SCRN2: variants seen among roughly 807,000 people sequenced by gnomAD.
SCRN2 encodes the protein secernin-2.
SCRN2 carries 30 observed loss-of-function variants against 40.1 expected under a neutral mutation model. That is an observed-to-expected ratio of 0.75 (90% CI 0.56 to 1.01). The LOEUF (loss-of-function observed/expected upper bound fraction) is 1.01, where lower values mean the gene tolerates loss of function less well. SCRN2 is among the 50% of genes least tolerant of loss of function. SCRN2 has a pLI of 0.00. For synonymous variants in SCRN2, 240 were observed against 233.5 expected (o/e 1.03, Z -0.25); for missense variants, 526 against 564.9 (o/e 0.93, Z 0.70).
rs772353616 is a variant in SCRN2, at chr17:47,838,260, T to TG, written c.1119+9dup. 1.3e-6 allele frequency: 2 copies of TG among 1,584,102 alleles called. No homozygotes were observed. The highest frequency in any genetic ancestry group is 3.9e-5 in the Admixed American group (2 of 50,948). On this transcript the variant is annotated intron_variant, in intron 7 of 7. Coordinates refer to ENST00000290216, the MANE Select transcript of SCRN2 (RefSeq NM_138355.4). ...TCCCCTCAAGGTAGCCCCTACTCCC[T>TG]GGGGGATACCTGATCTCTCTCCATC...
chr17:47,840,076 A>C (rs887193966), intron 3 of SCRN2, 115 bp downstream of exon 3: 2 of 1,075,602 alleles, frequency 1.9e-6, no homozygotes, highest in Non-Finnish European at 2.6e-6. Context: ...CAAAGTCTGC[A>C]GAGAGGAGGA....
chr17:47,838,854 C>G lies in SCRN2; in HGVS notation c.709G>C (p.Val237Leu). ...CGGGCCTTGGCAGCCTCCATGCGCA[C>G]AGGCTGCTGGGTCAGGGAGAAGATC... ...AQIFSLTQQP[V>L]RMEAAKARFQ... is the part of the protein sequence containing the mutation. Residue 237 changes from valine to leucine, a missense_variant, in exon 5 of 8, where the codon GTG (valine) becomes CTG (leucine). Val to Leu is a conservative substitution (Grantham distance 32). Coordinates refer to ENST00000290216, the MANE Select transcript of SCRN2 (RefSeq NM_138355.4). The G allele has an allele frequency of 2.5e-6, 4 of 1,613,674 alleles. No individual in the cohort carries two copies. The highest frequency in any genetic ancestry group is 3.4e-6 in the Non-Finnish European group (4 of 1,180,030).
At chr17:47,840,424 T>C (rs1418225444) in intron 2 of SCRN2, 52 bp from the exon 3 acceptor site, 8 of 1,587,062 alleles carry the variant, frequency 5.0e-6, no homozygotes, top group Non-Finnish European at 6.9e-6. Flanking sequence ...GGGCGGCCCC[T>C]CGAGTGTGGC....
chr17:47,838,646 C>G lies in SCRN2; in HGVS notation c.823G>C (p.Gly275Arg), dbSNP rs201186794. 5.6e-6 allele frequency: 9 copies of G among 1,614,100 alleles called. No individual in the cohort carries two copies. The Admixed American group carries it at 1.3e-4, about 24-fold the overall frequency. The change falls in exon 6 of 8, where the codon GGT (glycine) becomes CGT (arginine). Residue 275 changes from glycine to arginine, a missense_variant. Coordinates refer to ENST00000290216, the MANE Select transcript of SCRN2 (RefSeq NM_138355.4). ...AAGCCTCCCGAGTCCATACAGATACCACTCTCCTTGTCTCTGAGGATGCCC... is the reference window on the plus strand; with the variant it reads ...AAGCCTCCCGAGTCCATACAGATACGACTCTCCTTGTCTCTGAGGATGCCC... ...MMGILRDKES[G>R]ICMDSGGFRT...
chr17:47,839,118 A>C (rs1335106520), intron 4 of SCRN2, 112 bp from the exon 5 acceptor site: 4 of 1,165,000 alleles, frequency 3.4e-6, no homozygotes, highest in Admixed American at 2.5e-5. Context: ...ACCCTCATGG[A>C]GCCTACGTTT....
chr17:47,839,411 C>A, intron 4 of SCRN2, 33 bp downstream of exon 4: 1 of 1,605,338 alleles, frequency 6.2e-7, no homozygotes, highest in Non-Finnish European at 8.5e-7. Flanking sequence ...ATCTCTCCCA[C>A]TTCCCAAAGC....
chr17:47,839,555 G>A lies in SCRN2; in HGVS notation c.445C>T (p.Leu149=). 2 of 1,614,030 alleles carry A rather than the reference G, an allele frequency of 1.2e-6. No individual in the cohort carries two copies. Among genetic ancestry groups the A allele is most frequent in the Non-Finnish European group, 1.7e-6 (2 of 1,180,030 alleles). The part of the protein sequence containing the change: ...LEHYGQGGNC[L]EDAAPFSYHS... ...TAGGAGAATGGCGCAGCATCCTCCA[G>A]GCAGTTGCCCCCCTGCCCATAGTGC... Residue 149 remains leucine, a synonymous_variant, in exon 4 of 8, where the codon CTG becomes TTG. Coordinates refer to ENST00000290216, the MANE Select transcript of SCRN2 (RefSeq NM_138355.4).
At position 47,840,858 on chromosome 17, in the gene SCRN2, G is replaced by T; in HGVS notation, c.1-15C>A. The T allele has an allele frequency of 6.6e-7, 1 of 1,510,870 alleles. No homozygotes were observed. Among genetic ancestry groups the T allele is most frequent in the Non-Finnish European group, 8.9e-7 (1 of 1,127,676 alleles). 93.6% of individuals were successfully genotyped at this position (1,510,870 alleles called of 1,614,324 possible). ...GACGACGCCATCTGGGGAGAGGCGG[G>T]CCTCTCCATAACCCTGGCCACGGCT... On this transcript the variant is annotated splice_polypyrimidine_tract_variant and intron_variant, in intron 1 of 7. Transcript: ENST00000290216.
intron 1 of SCRN2, 78 bp from the exon 2 acceptor site, chr17:47,840,921 GAC>G: frequency 1.5e-6 from 2 of 1,315,950 alleles, no homozygotes; most frequent in South Asian, 3.8e-5. Context: ...ACGTGTAAAA[GAC>G]GCGCAAGGAA....
intron 3 of SCRN2, chr17:47,839,857 G>A (rs1305832683): frequency 3.1e-5 from 19 of 610,462 alleles, no homozygotes; most frequent in Non-Finnish European, 5.2e-5. Flanking sequence ...CCATGAAAAG[G>A]CCTGAAACAC....
At chr17:47,840,170 G>A (rs2033790730) in intron 3 of SCRN2, 21 bp downstream of exon 3, 4 of 1,599,544 alleles carry the variant, frequency 2.5e-6, no homozygotes, top group African/African-American at 1.3e-5. Context: ...TCAGGCAGAT[G>A]AGGAAGGGCA....
At chr17:47,839,180 TG>T (rs1567956557) in intron 4 of SCRN2, among the ~76,000 whole-genome samples, 174 bp from the exon 5 acceptor site, 1 of 152,162 alleles carries the variant, frequency 6.6e-6, no homozygotes, top group Non-Finnish European at 1.5e-5. Context: ...AGCATGCAAC[TG>T]TGTTGAATGC....
intron 2 of SCRN2, 73 bp from the exon 3 acceptor site, chr17:47,840,445 T>C: frequency 1.3e-6 from 2 of 1,517,808 alleles, no homozygotes; most frequent in Non-Finnish European, 1.8e-6. Flanking sequence ...ACTCTGCCAA[T>C]TACCTTATAG....
intron 7 of SCRN2, 59 bp from the exon 8 acceptor site, chr17:47,838,061 G>C (rs375106471): frequency 6.3e-7 from 1 of 1,580,684 alleles, no homozygotes; most frequent in Middle Eastern, 1.7e-4. Flanking sequence ...CCAGGTGAAG[G>C]GGGGACTGTG....
In SCRN2 at chr17:47,838,309, A is replaced by C. The variant is rs1388125120; in HGVS notation, c.1080T>G (p.Arg360=). The C allele has an allele frequency of 2.5e-6, 4 of 1,608,082 alleles. No individual in the cohort carries two copies. In the Admixed American group the frequency reaches 5.1e-5, roughly 21 times the overall value. The change falls in exon 7 of 8, where the codon CGT becomes CGG. Residue 360 remains arginine, a synonymous_variant. Transcript: ENST00000290216. Reference sequence around the variant, plus strand: ...TCAGCCCCAGGGCTGCCTGGTGTCCACGGTAGAGGGTATGCCGACGATCTA... The same window carrying C: ...TCAGCCCCAGGGCTGCCTGGTGTCCCCGGTAGAGGGTATGCCGACGATCTA... The part of the protein sequence containing the change: ...TQVDRRHTLY[R]GHQAALGLME...
In SCRN2 at chr17:47,840,593, T is replaced by C. The variant is rs545092811; in HGVS notation, c.174+77A>G. On this transcript the variant is annotated intron_variant, in intron 2 of 7. Coordinates refer to ENST00000290216, the MANE Select transcript of SCRN2 (RefSeq NM_138355.4). ...ACTACTTCTGGCAGCCTCCCAGGTG[T>C]GGGGAGCAGGGAAGAAGGTCTTAAA... 9.7e-6 allele frequency: 14 copies of C among 1,449,474 alleles called. No individual in the cohort carries two copies. The African/African-American group carries it at 1.7e-4, about 18-fold the overall frequency. The allele number at this position is 1,449,474 out of a possible 1,614,324, so 89.8% of individuals were successfully genotyped here. A position where few individuals can be genotyped will look rare whatever the true frequency, so the allele number is the denominator to read the frequency against.
intron 4 of SCRN2, 150 bp from the exon 5 acceptor site, chr17:47,839,156 C>G (rs1244872138): frequency 2.4e-6 from 2 of 818,042 alleles, no homozygotes; most frequent in Admixed American, 2.8e-5. Context: ...AAAATAATCA[C>G]AGAGATAAAT....
At chr17:47,838,729 G>C in intron 5 of SCRN2, 33 bp from the exon 6 acceptor site, 1 of 1,611,376 alleles carries the variant, frequency 6.2e-7, no homozygotes, top group Non-Finnish European at 8.5e-7. Context: ...GCTGTGGGAG[G>C]GGAGAGTGGC....
chr17:47,839,181 G>A (rs1437058659), intron 4 of SCRN2, among the ~76,000 whole-genome samples, 175 bp from the exon 5 acceptor site: 1 of 152,252 alleles, frequency 6.6e-6, no homozygotes, highest in African/African-American at 2.4e-5. Flanking sequence ...GCATGCAACT[G>A]TGTTGAATGC....
Sources: gnomAD v4.1 joint callset for allele counts (sites outside exome capture counted in the v4.1 genomes callset) on GRCh38, gnomAD v4.1.1 for gene constraint, MANE v1.5 for transcripts, NCBI Gene and HGNC (gene_info 2026-07-23, HGNC 2026-07-21) for gene names.